The following TRHDE variants were observed in gnomAD, a reference collection of about 807,000 sequenced individuals.
TRHDE encodes thyrotropin-releasing hormone-degrading ectoenzyme.
TRHDE carries 72 observed loss-of-function variants against 125.7 expected under a neutral mutation model. The ratio of observed to expected loss-of-function variants is 0.57; its 90% CI spans 0.47 to 0.70. TRHDE has a LOEUF of 0.70. TRHDE is among the 30% of genes least tolerant of loss of function. The probability of loss-of-function intolerance (pLI) is 0.00; values close to 1 mark genes in which losing one functional copy is unlikely to be tolerated. For synonymous variants in TRHDE, 509 were observed against 509.1 expected, an observed-to-expected ratio of 1.00 and a Z score of 0.00; for missense variants, 1,110 against 1,327.1, an observed-to-expected ratio of 0.84 and a Z score of 2.54.
chr12:72,122,238 C>A lies in TRHDE; in HGVS notation n.279+16486C>A, dbSNP rs142210220. ...TCTGGAGGCAGAAGCAACAGCTTAC[C>A]CAATTGCAAAGGATTTAATCTTTAC... On this transcript the variant is annotated intron_variant and non_coding_transcript_variant, in intron 2 of 4. Transcript: ENST00000548156. Among the ~76,000 whole-genome samples the A allele has an allele frequency of 1.4e-3, 210 of 152,290 alleles. 1 individual carries two copies. The highest frequency in any genetic ancestry group is 4.6e-3 in the African/African-American group (192 of 41,570).
At chr12:72,638,608 T>G (rs1410925826) in intron 15 of TRHDE, among the ~76,000 whole-genome samples, 1 of 152,178 alleles carries the variant, frequency 6.6e-6, no homozygotes, top group African/African-American at 2.4e-5. Flanking sequence ...CTCGATGGTC[T>G]TTACATTTTG....
intron 6 of TRHDE, among the ~76,000 whole-genome samples, chr12:72,510,658 GA>G (rs908570490): frequency 4.0e-5 from 6 of 151,488 alleles, no homozygotes; most frequent in East Asian, 3.9e-4. Context: ...TTCCATGAAT[GA>G]AAAAAAATGT....
intron 3 of TRHDE, among the ~76,000 whole-genome samples, chr12:72,394,301 G>A (rs1468098032): frequency 6.6e-6 from 1 of 152,008 alleles, no homozygotes; most frequent in Non-Finnish European, 1.5e-5. Flanking sequence ...GAGATCCTTA[G>A]GGCAGCAAGT....
rs1281236460 is a variant in TRHDE at position 72,665,369 on chromosome 12, C to T, written c.*2174C>T. 3 of 152,372 alleles carry T rather than the reference C, an allele frequency of 2.0e-5. No individual in the cohort carries two copies. Among genetic ancestry groups the T allele is most frequent in the Non-Finnish European group, 4.4e-5 (3 of 67,950 alleles). 9.4% of individuals were successfully genotyped at this position (152,372 alleles called of 1,614,324 possible). On this transcript the variant is annotated 3_prime_UTR_variant, in exon 19 of 19. Coordinates refer to ENST00000261180, the MANE Select transcript of TRHDE (RefSeq NM_013381.3). ...TAGTGGCCTTGAACAACTGGTTTATCTACAATCTCAAATCCTAAGTGTATA... is the reference window on the plus strand; with the variant it reads ...TAGTGGCCTTGAACAACTGGTTTATTTACAATCTCAAATCCTAAGTGTATA...
chr12:72,640,039 C>G (rs370107098), intron 15 of TRHDE, among the ~76,000 whole-genome samples: 1 of 152,190 alleles, frequency 6.6e-6, no homozygotes, highest in East Asian at 1.9e-4. Flanking sequence ...CACCCAGTTC[C>G]AGCTTCCCTG....
At chr12:72,106,246 C>T (rs1290397384) in intron 2 of TRHDE, among the ~76,000 whole-genome samples, 1 of 151,882 alleles carries the variant, frequency 6.6e-6, no homozygotes, top group Non-Finnish European at 1.5e-5. Flanking sequence ...CAGATTTTTC[C>T]TGAGGAAAAA....
At position 72,273,116 on chromosome 12, in the gene TRHDE, G is replaced by A. The variant is rs758929054; in HGVS notation, c.473G>A (p.Gly158Glu). ...GGDSWQPEAGGVASPGTTSAQ... is the reference protein window; with the variant it reads ...GGDSWQPEAGEVASPGTTSAQ... ...GACTCCTGGCAGCCCGAGGCGGGTG[G>A]GGTGGCCAGTCCGGGGACCACGTCG... The change falls in exon 1 of 19, where the codon GGG (glycine) becomes GAG (glutamate). Residue 158 changes from glycine (G) to glutamate (E), a missense_variant. By Grantham distance (98) the Gly-to-Glu change is moderately conservative (BLOSUM62 -2). Coordinates refer to ENST00000261180, the MANE Select transcript of TRHDE (RefSeq NM_013381.3). The surrounding 1 kb of genome is among the most constrained non-coding windows in gnomAD (Gnocchi z 5.3). 5.9e-6 allele frequency: 9 copies of A among 1,530,082 alleles called. No homozygotes were observed. The African/African-American group carries it at 1.2e-4, about 21-fold the overall frequency. 94.8% of individuals were successfully genotyped at this position (1,530,082 alleles called of 1,614,324 possible). A position where few individuals can be genotyped will look rare whatever the true frequency, so the allele number is the denominator to read the frequency against.
chr12:72,171,598 T>TAA (rs1263312193), intron 2 of TRHDE, among the ~76,000 whole-genome samples: 21 of 152,068 alleles, frequency 1.4e-4, no homozygotes, highest in Admixed American at 1.3e-4. Context: ...GGTGCGCCTA[T>TAA]ATTTGTGTTG....
At chr12:72,520,504 G>T (rs112737559) in intron 6 of TRHDE, among the ~76,000 whole-genome samples, 31 of 149,664 alleles carry the variant, frequency 2.1e-4, no homozygotes, top group Non-Finnish European at 3.7e-4. Flanking sequence ...TTCTGCTTGC[G>T]CACGGTGCGC....
upstream of TRHDE, chr12:72,271,913 G>T (rs1444559539): frequency 8.8e-6 from 4 of 456,446 alleles, no homozygotes; most frequent in South Asian, 6.2e-5. Context: ...TCGCTGTCGG[G>T]TCTGCAACCT....
Position 72,259,506 on chromosome 12 carries a change from C to T in TRHDE, n.280-118489C>T, listed in dbSNP as rs117792731. On this transcript the variant is annotated intron_variant and non_coding_transcript_variant, in intron 2 of 4. Coordinates refer to the TRHDE transcript ENST00000548156. ...AAATCAAGACTGGGCATTAAACTTG[C>T]TCATTGCTGCTCAGGCATTGTTGCT... Among the ~76,000 whole-genome samples, 1,107 of 152,278 alleles carry T rather than the reference C, an allele frequency of 7.3e-3. 5 individuals carry two copies. The highest frequency in any genetic ancestry group is 0.012 in the South Asian group (58 of 4,828).
At chr12:72,452,099 G>C (rs571877849) in intron 3 of TRHDE, among the ~76,000 whole-genome samples, 2 of 152,282 alleles carry the variant, frequency 1.3e-5, no homozygotes, top group South Asian at 4.1e-4. Context: ...AAAGTGCTGG[G>C]ATTACAGGCG....
chr12:72,225,300 C>G (rs566230945), intron 2 of TRHDE, among the ~76,000 whole-genome samples: 1 of 152,246 alleles, frequency 6.6e-6, no homozygotes, highest in South Asian at 2.1e-4. Flanking sequence ...CAACATTAGC[C>G]TCATAAGCAG....
chr12:72,512,908 A>C (rs1416601913), intron 6 of TRHDE, among the ~76,000 whole-genome samples: 1 of 151,968 alleles, frequency 6.6e-6, no homozygotes, highest in Non-Finnish European at 1.5e-5. Context: ...GTGTTTGTAC[A>C]TCTAACAATA....
intron 12 of TRHDE, among the ~76,000 whole-genome samples, chr12:72,604,120 A>T (rs1872329336): frequency 6.6e-6 from 1 of 152,224 alleles, no homozygotes; most frequent in Non-Finnish European, 1.5e-5. Context: ...GAAGTAATTT[A>T]ACAAAAGTCC....
At chr12:72,342,807 T>TC (rs1870142316) in intron 2 of TRHDE, among the ~76,000 whole-genome samples, 2 of 152,128 alleles carry the variant, frequency 1.3e-5, no homozygotes, top group African/African-American at 4.8e-5. Context: ...GCATTTTTTT[T>TC]CCCTTTCATC....
At chr12:72,265,638 T>C (rs903206142) in intron 2 of TRHDE, among the ~76,000 whole-genome samples, 3 of 151,764 alleles carry the variant, frequency 2.0e-5, no homozygotes, top group African/African-American at 7.3e-5. Flanking sequence ...AAAATCAGAA[T>C]ACATCTTTTT....
At chr12:72,296,941 A>C (rs1880323235) in intron 2 of TRHDE, among the ~76,000 whole-genome samples, 2 of 152,184 alleles carry the variant, frequency 1.3e-5, no homozygotes, top group Admixed American at 1.3e-4. Flanking sequence ...AAGGAGCTTT[A>C]GATTATGGGA....
chr12:72,616,862 A>C (rs1439312221), intron 12 of TRHDE, among the ~76,000 whole-genome samples: 1 of 152,152 alleles, frequency 6.6e-6, no homozygotes, highest in Non-Finnish European at 1.5e-5. Flanking sequence ...GTGAATATAT[A>C]ATCACCACAC....
Sources: gnomAD v4.1 joint callset for allele counts (sites outside exome capture counted in the v4.1 genomes callset) on GRCh38, gnomAD v4.1.1 for gene constraint, Gnocchi (gnomAD v3.1) non-coding constraint, MANE v1.5 for transcripts, NCBI Gene and HGNC (gene_info 2026-07-23, HGNC 2026-07-21) for gene names.